The following GGT7 variants were observed in gnomAD, a reference collection of about 807,000 sequenced individuals.
The protein encoded by GGT7 is glutathione hydrolase 7.
Under a neutral mutation model 69.2 loss-of-function variants are expected in GGT7, and 30 were observed. The observed-to-expected ratio is 0.43, with a 90% CI of 0.32 to 0.59. The LOEUF is 0.59. Among genes scored for constraint, GGT7 ranks in the 20% least tolerant of loss-of-function variants. The pLI, the probability that GGT7 is intolerant of heterozygous loss-of-function variation, is 0.05. For missense variants in GGT7, 733 were observed against 901.1 expected (o/e 0.81, Z 2.39); for synonymous variants, 388 against 391.8 (o/e 0.99, Z 0.12).
chr20:34,854,687 T>C (rs1372590454), intron 9 of GGT7, 68 bp from the exon 10 acceptor site: 2 of 1,574,100 alleles, frequency 1.3e-6, no homozygotes, highest in Non-Finnish European at 1.7e-6. Context: ...CAGTGGACTT[T>C]CGTGTGTGAG....
intron 1 of GGT7, among the ~76,000 whole-genome samples, chr20:34,866,065 A>T (rs1012101872): frequency 6.6e-6 from 1 of 152,232 alleles, no homozygotes; most frequent in Non-Finnish European, 1.5e-5. Context: ...CATAATAAAC[A>T]TCTAAGCTCC....
intron 12 of GGT7, among the ~76,000 whole-genome samples, chr20:34,851,909 C>T (rs1191703393): frequency 6.6e-6 from 1 of 152,136 alleles, no homozygotes; most frequent in East Asian, 1.9e-4. Context: ...GAAGAAATTG[C>T]CCAGAGAGGG....
At chr20:34,845,667 G>A (rs1001025822) in intron 14 of GGT7, among the ~76,000 whole-genome samples, 176 bp from the exon 15 acceptor site, 2 of 152,166 alleles carry the variant, frequency 1.3e-5, no homozygotes, top group African/African-American at 4.8e-5. Context: ...GGGATTATAT[G>A]AGAACATGAA....
intron 14 of GGT7, 108 bp from the exon 15 acceptor site, chr20:34,845,599 T>C: frequency 1.1e-6 from 1 of 916,878 alleles, no homozygotes; most frequent in East Asian, 2.4e-5. Context: ...CACAGAGCTG[T>C]ATGACCTTGG....
Position 34,863,513 on chromosome 20 carries a change from G to C in GGT7, c.205C>G (p.Arg69Gly). ...DSFLKSARLQRLPSSSSEMGS... is the reference protein window; with the variant it reads ...DSFLKSARLQGLPSSSSEMGS... ...ATCTCCGACGACGACGATGGCAGCC[G>C]CTGCAGCCGTGCAGACTTCAGGAAG... The change falls in exon 2 of 15, where the codon CGG becomes GGG. Residue 69 changes from arginine to glycine, a missense_variant. Coordinates refer to ENST00000336431, the MANE Select transcript of GGT7 (RefSeq NM_178026.3). This position sits in a 1 kb window ranked among gnomAD's most constrained non-coding sequence, Gnocchi z 4.4. The C allele has an allele frequency of 6.3e-7, 1 of 1,595,358 alleles. No individual in the cohort carries two copies. The highest frequency in any genetic ancestry group is 8.5e-7 in the Non-Finnish European group (1 of 1,171,136).
At chr20:34,845,953 A>G (rs1246591928) in intron 14 of GGT7, among the ~76,000 whole-genome samples, 1 of 151,998 alleles carries the variant, frequency 6.6e-6, no homozygotes, top group Non-Finnish European at 1.5e-5. Context: ...CCAGATACTC[A>G]GGAGGCTAAG....
At position 34,872,598 on chromosome 20, in the gene GGT7, G is replaced by C. The variant is rs751897581; in HGVS notation, c.169+49C>G. The C allele has an allele frequency of 3.8e-6, 5 of 1,303,746 alleles. No individual in the cohort carries two copies. The African/African-American group carries it at 7.7e-5, about 20-fold the overall frequency. The allele number at this position is 1,303,746 out of a possible 1,614,324, so 80.8% of individuals were successfully genotyped here. On this transcript the variant is annotated intron_variant, in intron 1 of 14. Coordinates refer to ENST00000336431, the MANE Select transcript of GGT7 (RefSeq NM_178026.3). Reference sequence around the variant, plus strand: ...TGGATGCTTGACACAGAAGAAGGAAGACCGGGGACTTCCCAAGGCAGGGCA... The same window carrying C: ...TGGATGCTTGACACAGAAGAAGGAACACCGGGGACTTCCCAAGGCAGGGCA...
Position 34,854,098 on chromosome 20 carries a change from G to A in GGT7, c.1319+433C>T, listed in dbSNP as rs530268769. On this transcript the variant is annotated intron_variant, in intron 10 of 14. Transcript: ENST00000336431. ...ACTACAGGCACGCGCCACCACGCCC[G>A]GCTAATTTTTGTATTTTTAGTAGAG... is the stretch of plus-strand genomic sequence containing the variant. Among the ~76,000 whole-genome samples the A allele has an allele frequency of 7.2e-5, 11 of 152,182 alleles. No homozygotes were observed. The East Asian group carries it at 9.7e-4, about 13-fold the overall frequency.
chr20:34,863,266 A>G lies in GGT7; in HGVS notation c.405+47T>C, dbSNP rs1246312719. On this transcript the variant is annotated intron_variant, in intron 2 of 14. Coordinates refer to ENST00000336431, the MANE Select transcript of GGT7 (RefSeq NM_178026.3). This position sits in a 1 kb window ranked among gnomAD's most constrained non-coding sequence, Gnocchi z 4.4. ...TCCACAGTTCCTCAAACATTACCCC[A>G]CTCCCCACTCCCCAGTTTCCTCCCC... 9.1e-6 allele frequency: 12 copies of G among 1,320,744 alleles called. No homozygotes were observed. Among genetic ancestry groups the G allele is most frequent in the Non-Finnish European group, 1.3e-5 (12 of 941,040 alleles). The allele number at this position is 1,320,744 out of a possible 1,614,324, so 81.8% of individuals were successfully genotyped here. A position where few individuals can be genotyped will look rare whatever the true frequency, so the allele number is the denominator to read the frequency against.
intron 14 of GGT7, among the ~76,000 whole-genome samples, chr20:34,847,999 A>C (rs1308256584): frequency 6.6e-6 from 1 of 152,210 alleles, no homozygotes; most frequent in African/African-American, 2.4e-5. Context: ...AGGCTGAGGC[A>C]CGAGAATCAC....
intron 10 of GGT7, among the ~76,000 whole-genome samples, chr20:34,853,346 T>TGC (rs2079431126): frequency 3.0e-5 from 1 of 33,146 alleles, no homozygotes; most frequent in East Asian, 3.3e-4. Context: ...TATAGGTGTG[T>TGC]GTGTGTGTGT....
Position 34,856,815 on chromosome 20 carries a change from C to T in GGT7, c.1093G>A (p.Val365Met), listed in dbSNP as rs766936948. The change falls in exon 8 of 15, where the codon GTG (valine) becomes ATG (methionine). Residue 365 changes from valine (V) to methionine (M), a missense_variant. Physicochemically the swap from Val to Met is conservative, Grantham distance 21. Coordinates refer to ENST00000336431, the MANE Select transcript of GGT7 (RefSeq NM_178026.3). Reference protein sequence around the residue: ...SALVEKPVCGVYRGHLVLSPP... With the variant: ...SALVEKPVCGMYRGHLVLSPP... ...CCGGGGGAGAGGTCACCTCTGTACA[C>T]GCCACACACAGGCTTCTCCACAAGG... 1.0e-5 allele frequency: 16 copies of T among 1,601,758 alleles called. No homozygotes were observed. The highest frequency in any genetic ancestry group is 8.9e-5 in the East Asian group (4 of 44,738).
At chr20:34,856,399 C>T (rs1186059108) in intron 8 of GGT7, among the ~76,000 whole-genome samples, 2 of 152,170 alleles carry the variant, frequency 1.3e-5, no homozygotes, top group Non-Finnish European at 2.9e-5. Context: ...CTATGAGGAG[C>T]TGGGTCTATG....
intron 14 of GGT7, among the ~76,000 whole-genome samples, chr20:34,848,769 G>GA (rs1486128514): frequency 6.6e-6 from 1 of 152,144 alleles, no homozygotes; most frequent in Non-Finnish European, 1.5e-5. Flanking sequence ...TAACTTCTGT[G>GA]AGCCTCAGTT....
Position 34,857,268 on chromosome 20 carries a change from G to A in GGT7, c.1015-375C>T, listed in dbSNP as rs2079509106. 2.0e-5 allele frequency among the ~76,000 whole-genome samples: 3 copies of A among 152,192 alleles called. No homozygotes were observed. The South Asian group carries it at 6.2e-4, about 32-fold the overall frequency. On this transcript the variant is annotated intron_variant, in intron 7 of 14. Coordinates refer to ENST00000336431, the MANE Select transcript of GGT7 (RefSeq NM_178026.3). ...GCAGTTCCTGAACTCATGCCTTCGT[G>A]TCTTTGTACCTGCTGCTCTCTCTGC...
intron 9 of GGT7, 85 bp downstream of exon 9, chr20:34,854,711 G>A: frequency 1.3e-6 from 2 of 1,593,170 alleles, no homozygotes; most frequent in Non-Finnish European, 1.7e-6. Flanking sequence ...ACTTGGAGGG[G>A]ATTTAGTCCT....
At chr20:34,846,761 C>G (rs2079312199) in intron 14 of GGT7, among the ~76,000 whole-genome samples, 1 of 152,192 alleles carries the variant, frequency 6.6e-6, no homozygotes, top group African/African-American at 2.4e-5. Context: ...TGCCTCTAAG[C>G]CCAACATTGC....
At chr20:34,849,908 C>A (rs1969088451) in intron 14 of GGT7, 53 bp downstream of exon 14, 3 of 1,114,842 alleles carry the variant, frequency 2.7e-6, no homozygotes, top group Non-Finnish European at 4.0e-6. Context: ...GGGAGGAGTC[C>A]TTTCTCTACC....
chr20:34,861,496 G>A lies in GGT7; in HGVS notation c.624C>T (p.Ser208=), dbSNP rs150472983. Residue 208 remains serine, a synonymous_variant, in exon 4 of 15, where the codon TCC becomes TCT. Coordinates refer to ENST00000336431, the MANE Select transcript of GGT7 (RefSeq NM_178026.3). Reference sequence around the variant, plus strand: ...TCTCTTCCCTGAGGGCCCCTGGTGCGGACTCCCGGAAATCAATTAGGTGGC... The same window carrying A: ...TCTCTTCCCTGAGGGCCCCTGGTGCAGACTCCCGGAAATCAATTAGGTGGC... The part of the protein sequence containing the change: ...NESHLIDFRE[S]APGALREETL... 120 of 1,549,056 alleles carry A rather than the reference G, an allele frequency of 7.7e-5. No homozygotes were observed. Among genetic ancestry groups the A allele is most frequent in the Admixed American group, 2.7e-4 (15 of 56,046 alleles).
Sources: allele counts gnomAD v4.1 joint callset (sites outside exome capture counted in the v4.1 genomes callset), GRCh38; gene constraint gnomAD v4.1.1; non-coding constraint Gnocchi (gnomAD v3.1); transcripts MANE v1.5; gene names NCBI Gene and HGNC (gene_info 2026-07-23, HGNC 2026-07-21).